Variants in DOCK9 observed in about 807,000 individuals in gnomAD.
DOCK9 encodes the protein dedicator of cytokinesis 9.
Under a neutral mutation model 263.3 loss-of-function variants are expected in DOCK9, and 89 were observed. That is an observed-to-expected ratio of 0.34 (90% CI 0.28 to 0.40). The LOEUF is 0.40. Ranked by LOEUF, DOCK9 falls within the 10% of genes least tolerant of loss-of-function variation. The probability of loss-of-function intolerance (pLI) is 1.00; values close to 1 mark genes in which losing one functional copy is unlikely to be tolerated. For missense variants in DOCK9, 2,140 were observed against 2,603.4 expected (o/e 0.82, Z 3.87); for synonymous variants, 976 against 973.1 (o/e 1.00, Z -0.06).
intron 1 of DOCK9, among the ~76,000 whole-genome samples, chr13:98,989,994 C>T (rs1879440108): frequency 6.6e-6 from 1 of 152,178 alleles, no homozygotes; most frequent in Non-Finnish European, 1.5e-5. Flanking sequence ...GAAACACTTG[C>T]TTAGCAGTAT....
chr13:98,907,752 G>C (rs149865409), intron 9 of DOCK9, among the ~76,000 whole-genome samples: 371 of 152,216 alleles, frequency 2.4e-3, no homozygotes, highest in African/African-American at 8.3e-3. Flanking sequence ...TAAACACAGA[G>C]GATGCCCAAC....
At chr13:99,021,073 G>T (rs1886031693) in intron 1 of DOCK9, among the ~76,000 whole-genome samples, 1 of 152,194 alleles carries the variant, frequency 6.6e-6, no homozygotes, top group Non-Finnish European at 1.5e-5. Context: ...ATGTAAGTTG[G>T]TCTCTCAATG....
chr13:99,085,440 T>C (rs2042290403), intron 1 of DOCK9, among the ~76,000 whole-genome samples: 1 of 152,172 alleles, frequency 6.6e-6, no homozygotes. Flanking sequence ...CGTTTCCAAA[T>C]ACAGCAGGAC....
intron 9 of DOCK9, among the ~76,000 whole-genome samples, chr13:98,909,735 G>A (rs2049710892): frequency 6.6e-6 from 1 of 152,104 alleles, no homozygotes; most frequent in South Asian, 2.1e-4. Flanking sequence ...TTTCTGGATT[G>A]GAATCTAGGG....
At chr13:98,827,355 TAAATA>T (rs960299619) in intron 43 of DOCK9, among the ~76,000 whole-genome samples, 18 of 152,366 alleles carry the variant, frequency 1.2e-4, no homozygotes, top group African/African-American at 4.3e-4. Flanking sequence ...TATAAAATTC[TAAATA>T]AAAATCATAA....
intron 1 of DOCK9, among the ~76,000 whole-genome samples, chr13:99,016,336 T>C (rs1885409230): frequency 6.6e-6 from 1 of 152,202 alleles, no homozygotes; most frequent in Admixed American, 6.5e-5. Flanking sequence ...GAACACAACA[T>C]TGCTGTGTCG....
In DOCK9 at chr13:98,825,214, C is replaced by T. The variant is rs1238786979; in HGVS notation, c.5024-710G>A. On this transcript the variant is annotated intron_variant, in intron 44 of 52. Coordinates refer to ENST00000682017, the MANE Select transcript of DOCK9 (RefSeq NM_001366683.2). This position sits in a 1 kb window ranked among gnomAD's most constrained non-coding sequence, Gnocchi z 4.1. ...TGACAGCCCATTTGGGACCTTTCCT[C>T]GTCTTAGAGTCACTGGAAAACAGCT... 2.0e-5 allele frequency among the ~76,000 whole-genome samples: 3 copies of T among 152,204 alleles called. No homozygotes were observed. Among genetic ancestry groups the T allele is most frequent in the African/African-American group, 7.2e-5 (3 of 41,450 alleles).
intron 1 of DOCK9, among the ~76,000 whole-genome samples, chr13:99,071,327 T>TTTTTTTTTTTTTTTTTTTTTTC (rs2041668342): frequency 7.1e-6 from 1 of 140,936 alleles, no homozygotes; most frequent in South Asian, 2.5e-4. Context: ...TTTTTTTTTT[T>TTTTTTTTTTTTTTTTTTTTTTC]TTTTTGCCAT....
At chr13:98,909,455 G>T (rs549175020) in intron 9 of DOCK9, among the ~76,000 whole-genome samples, 2 of 152,200 alleles carry the variant, frequency 1.3e-5, no homozygotes, top group Non-Finnish European at 2.9e-5. Flanking sequence ...TTATTCTGAG[G>T]ATGAATTATC....
chr13:98,834,785 C>G (rs2092924049), intron 39 of DOCK9, among the ~76,000 whole-genome samples: 1 of 152,108 alleles, frequency 6.6e-6, no homozygotes, highest in Non-Finnish European at 1.5e-5. Context: ...TATCTGATAC[C>G]TGCTAAGTGT....
At chr13:98,942,907 C>CAGCATTAT (rs2056177606) in intron 2 of DOCK9, among the ~76,000 whole-genome samples, 1 of 152,178 alleles carries the variant, frequency 6.6e-6, no homozygotes, top group Non-Finnish European at 1.5e-5. Context: ...TGGTAAAATA[C>CAGCATTAT]AGCATTATAA....
chr13:98,999,314 A>ACTCT (rs1277358248), intron 1 of DOCK9, among the ~76,000 whole-genome samples: 124 of 107,962 alleles, frequency 1.1e-3, no homozygotes, highest in African/African-American at 4.3e-3. Context: ...ACACACACAC[A>ACTCT]CACTCTCTCT....
intron 1 of DOCK9, among the ~76,000 whole-genome samples, chr13:99,069,638 C>G (rs914419491): frequency 1.3e-5 from 2 of 152,204 alleles, no homozygotes; most frequent in Non-Finnish European, 2.9e-5. Flanking sequence ...ATCTCATCTT[C>G]CTCATCTGCA....
intron 1 of DOCK9, among the ~76,000 whole-genome samples, chr13:99,045,655 T>G (rs1888909617): frequency 6.6e-6 from 1 of 152,180 alleles, no homozygotes; most frequent in Admixed American, 6.5e-5. Flanking sequence ...GTATTGCATG[T>G]TACTTAGCTT....
chr13:98,880,771 A>G (rs999121723), intron 25 of DOCK9, 99 bp from the exon 26 acceptor site: 1 of 1,450,874 alleles, frequency 6.9e-7, no homozygotes, highest in Non-Finnish European at 9.3e-7. Context: ...ACTGAGCTAC[A>G]ATATCATTTG....
intron 9 of DOCK9, among the ~76,000 whole-genome samples, chr13:98,911,620 C>T (rs1416960528): frequency 6.6e-6 from 1 of 151,550 alleles, no homozygotes; most frequent in Non-Finnish European, 1.5e-5. Context: ...TCAGGTCGGG[C>T]GTAGTGGCTC....
chr13:98,925,436 CATAA>C (rs2052780085), intron 4 of DOCK9, among the ~76,000 whole-genome samples: 1 of 151,784 alleles, frequency 6.6e-6, no homozygotes, highest in Admixed American at 6.6e-5. Context: ...TTTTTAAAAA[CATAA>C]AATTTATTCA....
At chr13:99,016,728 G>T (rs1415814909) in intron 1 of DOCK9, among the ~76,000 whole-genome samples, 1 of 152,136 alleles carries the variant, frequency 6.6e-6, no homozygotes, top group African/African-American at 2.4e-5. Flanking sequence ...TATATAAAAA[G>T]ACCATGCTGC....
chr13:98,898,480 G>A (rs1369098679), intron 13 of DOCK9, among the ~76,000 whole-genome samples: 1 of 152,200 alleles, frequency 6.6e-6, no homozygotes, highest in South Asian at 2.1e-4. Flanking sequence ...AATACAGAAC[G>A]AAGACTTTCC....
Sources: allele counts gnomAD v4.1 joint callset (sites outside exome capture counted in the v4.1 genomes callset), GRCh38; gene constraint gnomAD v4.1.1; non-coding constraint Gnocchi (gnomAD v3.1); transcripts MANE v1.5; gene names NCBI Gene and HGNC (gene_info 2026-07-23, HGNC 2026-07-21).